Variants in PRKAA2 observed in about 807,000 individuals in gnomAD.
PRKAA2 encodes the protein protein kinase AMP-activated catalytic subunit alpha 2.
Under a neutral mutation model 56.3 loss-of-function variants are expected in PRKAA2, and 40 were observed. The ratio of observed to expected loss-of-function variants is 0.71; its 90% confidence interval spans 0.55 to 0.92. PRKAA2 has a LOEUF of 0.92. Ranked by LOEUF, PRKAA2 falls within the 40% of genes least tolerant of loss-of-function variation. The pLI, the probability that PRKAA2 is intolerant of heterozygous loss-of-function variation, is 0.00. For missense variants in PRKAA2, 542 were observed against 686.9 expected, an observed-to-expected ratio of 0.79 and a Z score of 2.36; for synonymous variants, 214 against 234.2, an observed-to-expected ratio of 0.91 and a Z score of 0.79.
chr1:56,680,972 C>T (rs541142003), intron 2 of PRKAA2, among the ~76,000 whole-genome samples: 37 of 152,340 alleles, frequency 2.4e-4, no homozygotes, highest in African/African-American at 8.9e-4. Context: ...ACAGTCCCAC[C>T]AACAGTGTAA....
intron 5 of PRKAA2, among the ~76,000 whole-genome samples, chr1:56,694,665 C>T (rs539104295): frequency 1.3e-5 from 2 of 152,156 alleles, no homozygotes; most frequent in South Asian, 4.2e-4. Flanking sequence ...CAAGGGATCT[C>T]TCTGGGGTCG....
At chr1:56,673,929 G>A (rs1309827812) in intron 1 of PRKAA2, among the ~76,000 whole-genome samples, 1 of 152,150 alleles carries the variant, frequency 6.6e-6, no homozygotes, top group Non-Finnish European at 1.5e-5. Context: ...AGGGCTAGGT[G>A]TGAATTCTCT....
chr1:56,649,538 A>G (rs953278705), intron 1 of PRKAA2, among the ~76,000 whole-genome samples: 2 of 152,140 alleles, frequency 1.3e-5, no homozygotes, highest in Non-Finnish European at 2.9e-5. Context: ...TGATTGATAG[A>G]AAGATAGATA....
chr1:56,693,698 A>T, intron 4 of PRKAA2, 67 bp from the exon 5 acceptor site: 1 of 1,163,044 alleles, frequency 8.6e-7, no homozygotes, highest in Non-Finnish European at 1.2e-6. Flanking sequence ...AATTTTGCTC[A>T]TATTTATATG....
chr1:56,655,174 G>A (rs1310438734), intron 1 of PRKAA2, among the ~76,000 whole-genome samples: 1 of 143,214 alleles, frequency 7.0e-6, no homozygotes, highest in Non-Finnish European at 1.5e-5. Context: ...CTAAATGCTT[G>A]TTTTACTTGG....
chr1:56,680,308 A>T (rs1322789454), intron 2 of PRKAA2, among the ~76,000 whole-genome samples: 1 of 151,998 alleles, frequency 6.6e-6, no homozygotes, highest in South Asian at 2.1e-4. Context: ...GGTATTTCCC[A>T]CAAGACTGAA....
Position 56,709,739 on chromosome 1 carries a change from C to T in PRKAA2, c.*2026C>T, listed in dbSNP as rs955265479. ...TTGAAGGCAGAGAAACAGAAGGAAT[C>T]CAGTGATGTTTTAGCTCCATTAGTC... On this transcript the variant is annotated 3_prime_UTR_variant, in exon 9 of 9. Coordinates refer to ENST00000371244, the MANE Select transcript of PRKAA2 (RefSeq NM_006252.4). 2.0e-5 allele frequency: 3 copies of T among 152,050 alleles called. No individual in the cohort carries two copies. The highest frequency in any genetic ancestry group is 7.2e-5 in the African/African-American group (3 of 41,402). The allele number at this position is 152,050 out of a possible 1,614,324, so 9.4% of individuals were successfully genotyped here. A position where few individuals can be genotyped will look rare whatever the true frequency, so the allele number is the denominator to read the frequency against.
chr1:56,651,401 T>C (rs891686334), intron 1 of PRKAA2, among the ~76,000 whole-genome samples: 2 of 152,322 alleles, frequency 1.3e-5, no homozygotes, highest in African/African-American at 4.8e-5. Flanking sequence ...AGTTTGGTAT[T>C]ATCTCCATTT....
intron 1 of PRKAA2, among the ~76,000 whole-genome samples, chr1:56,661,569 A>T (rs1035163094): frequency 6.6e-6 from 1 of 152,078 alleles, no homozygotes; most frequent in Non-Finnish European, 1.5e-5. Flanking sequence ...TGTCCATTCT[A>T]TTACTGATGG....
At chr1:56,682,152 G>T (rs1644159791) in intron 2 of PRKAA2, among the ~76,000 whole-genome samples, 1 of 152,058 alleles carries the variant, frequency 6.6e-6, no homozygotes, top group Non-Finnish European at 1.5e-5. Context: ...ACCTACTATG[G>T]GTTGGGTGCT....
intron 1 of PRKAA2, among the ~76,000 whole-genome samples, chr1:56,669,641 G>A (rs1340268393): frequency 6.6e-6 from 1 of 152,100 alleles, no homozygotes; most frequent in Admixed American, 6.6e-5. Context: ...CCTGACAATA[G>A]GCGAAGACAC....
intron 2 of PRKAA2, among the ~76,000 whole-genome samples, chr1:56,681,094 T>A (rs1644151623): frequency 6.6e-6 from 1 of 152,260 alleles, no homozygotes; most frequent in African/African-American, 2.4e-5. Context: ...TGATTTGCAT[T>A]TATCAGATGG....
At chr1:56,678,739 A>G (rs1569753374) in intron 2 of PRKAA2, among the ~76,000 whole-genome samples, 1 of 145,262 alleles carries the variant, frequency 6.9e-6, no homozygotes, top group East Asian at 2.0e-4. Context: ...TCTGTTGCCC[A>G]GGCTGGAGTG....
At chr1:56,649,833 G>A (rs765300499) in intron 1 of PRKAA2, among the ~76,000 whole-genome samples, 3 of 152,142 alleles carry the variant, frequency 2.0e-5, no homozygotes, top group Non-Finnish European at 4.4e-5. Context: ...GGCGGCTCAC[G>A]CCTGTAATCC....
At chr1:56,674,021 G>A (rs536164132) in intron 1 of PRKAA2, among the ~76,000 whole-genome samples, 1 of 152,280 alleles carries the variant, frequency 6.6e-6, no homozygotes, top group African/African-American at 2.4e-5. Flanking sequence ...TTAAACAGAA[G>A]AAGAGAAACA....
At chr1:56,703,948 A>G (rs762111819) in intron 6 of PRKAA2, 23 bp from the exon 7 acceptor site, 1 of 1,572,042 alleles carries the variant, frequency 6.4e-7, no homozygotes, top group Non-Finnish European at 8.6e-7. Flanking sequence ...TCTTACAATA[A>G]TGTATTGTGG....
intron 1 of PRKAA2, among the ~76,000 whole-genome samples, chr1:56,655,546 G>A (rs1643935097): frequency 6.6e-6 from 1 of 151,566 alleles, no homozygotes; most frequent in African/African-American, 2.4e-5. Flanking sequence ...TAGTCATACG[G>A]GATTTTAAGC....
chr1:56,672,500 G>A (rs568188377), intron 1 of PRKAA2, among the ~76,000 whole-genome samples: 1 of 152,246 alleles, frequency 6.6e-6, no homozygotes, highest in South Asian at 2.1e-4. Context: ...AGGGACAGAG[G>A]TCACTGGCAT....
chr1:56,677,538 C>G (rs1371946304), intron 2 of PRKAA2, among the ~76,000 whole-genome samples: 1 of 152,150 alleles, frequency 6.6e-6, no homozygotes, highest in African/African-American at 2.4e-5. Context: ...GAAATTTTAC[C>G]CGTTTGGGTA....
Sources: allele counts gnomAD v4.1 joint callset (sites outside exome capture counted in the v4.1 genomes callset), GRCh38; gene constraint gnomAD v4.1.1; transcripts MANE v1.5; gene names NCBI Gene and HGNC (gene_info 2026-07-23, HGNC 2026-07-21).